The following SLC25A3 variants were observed in gnomAD, a reference collection of about 807,000 sequenced individuals.
The protein encoded by SLC25A3 is solute carrier family 25 member 3.
Under a neutral mutation model 37.1 loss-of-function variants are expected in SLC25A3, and 14 were observed. The ratio of observed to expected loss-of-function variants is 0.38; its 90% CI spans 0.25 to 0.59. The LOEUF (loss-of-function observed/expected upper bound fraction) is 0.59, where lower values mean the gene tolerates loss of function less well. SLC25A3 is among the 20% of genes least tolerant of loss of function. SLC25A3 has a pLI of 0.67. For missense variants in SLC25A3, 385 were observed against 458.1 expected, an observed-to-expected ratio of 0.84 and a Z score of 1.46; for synonymous variants, 161 against 168.7, an observed-to-expected ratio of 0.95 and a Z score of 0.36.
chr12:98,595,707 T>A lies in SLC25A3; in HGVS notation c.158-20T>A. The stretch of plus-strand genomic sequence containing the variant: ...ATGAGTTTTATATTAAAATGCATGG[T>A]GTGTCTTCTCTTACTACAGAGTACA... On this transcript the variant is annotated intron_variant, in intron 2 of 7. Transcript: ENST00000552981. The A allele has an allele frequency of 1.2e-6, 2 of 1,614,150 alleles. No homozygotes were observed. The highest frequency in any genetic ancestry group is 1.7e-6 in the Non-Finnish European group (2 of 1,180,026).
chr12:98,595,929 C>T (rs970528543), intron 3 of SLC25A3, 81 bp downstream of exon 3: 105 of 1,305,816 alleles, frequency 8.0e-5, no homozygotes, highest in Non-Finnish European at 1.2e-4. Flanking sequence ...AATTTGAAGA[C>T]ATCACAACTG....
rs2097601062 is a variant in SLC25A3 at position 98,606,091 on chromosome 12, G to GA, written c.*4564dup. On this transcript the variant is annotated 3_prime_UTR_variant, in exon 8 of 8. Coordinates refer to ENST00000552981, the MANE Select transcript of SLC25A3 (RefSeq NM_002635.4). Reference sequence around the variant, plus strand: ...CACACCCCTGCACTCCGGCCTGGGCGACAGAGTGATAACCTGTCTAAAAAA... The same window carrying GA: ...CACACCCCTGCACTCCGGCCTGGGCGAACAGAGTGATAACCTGTCTAAAAAA... The GA allele has an allele frequency of 6.6e-6, 1 of 152,146 alleles. No individual in the cohort carries two copies. The highest frequency in any genetic ancestry group is 1.5e-5 in the Non-Finnish European group (1 of 68,034). The allele number at this position is 152,146 out of a possible 1,614,324, so 9.4% of individuals were successfully genotyped here.
intron 3 of SLC25A3, among the ~76,000 whole-genome samples, chr12:98,596,327 T>G (rs1048516101): frequency 7.2e-5 from 11 of 152,210 alleles, no homozygotes; most frequent in African/African-American, 2.4e-4. Flanking sequence ...TTAAAATAAT[T>G]TGAATATATT....
At chr12:98,600,495 C>T (rs994306327) in intron 6 of SLC25A3, among the ~76,000 whole-genome samples, 1 of 152,176 alleles carries the variant, frequency 6.6e-6, no homozygotes, top group Non-Finnish European at 1.5e-5. Context: ...TCACTGCAGC[C>T]TCCGCCTCCT....
At position 98,601,874 on chromosome 12, in the gene SLC25A3, A is replaced by G. The variant is rs2097598202; in HGVS notation, c.*346A>G. The G allele has an allele frequency of 8.1e-6, 2 of 248,154 alleles. No individual in the cohort carries two copies. Among genetic ancestry groups the G allele is most frequent in the Non-Finnish European group, 1.6e-5 (2 of 126,054 alleles). The allele number at this position is 248,154 out of a possible 1,614,324, so 15.4% of individuals were successfully genotyped here. On this transcript the variant is annotated 3_prime_UTR_variant, in exon 8 of 8. Transcript: ENST00000552981. The stretch of plus-strand genomic sequence containing the variant: ...GAAATTGTCATATGTCTCAAGTTTT[A>G]TCACACAAAGTTCCTGTATTTCTAG...
Position 98,603,769 on chromosome 12 carries a change from G to A in SLC25A3, c.*2241G>A, listed in dbSNP as rs1234019296. On this transcript the variant is annotated 3_prime_UTR_variant, in exon 8 of 8. Coordinates refer to ENST00000552981, the MANE Select transcript of SLC25A3 (RefSeq NM_002635.4). ...AGTTACGGTTCAAAGCTATTTCTGA[G>A]AGAAAGCCACTTCATCCTCAAAACC... The A allele has an allele frequency of 6.6e-6, 1 of 152,154 alleles. No individual in the cohort carries two copies. Among genetic ancestry groups the A allele is most frequent in the African/African-American group, 2.4e-5 (1 of 41,430 alleles). 9.4% of individuals were successfully genotyped at this position (152,154 alleles called of 1,614,324 possible).
At position 98,606,048 on chromosome 12, in the gene SLC25A3, G is replaced by T. The variant is rs1289469683; in HGVS notation, c.*4520G>T. On this transcript the variant is annotated 3_prime_UTR_variant, in exon 8 of 8. Coordinates refer to ENST00000552981, the MANE Select transcript of SLC25A3 (RefSeq NM_002635.4). The stretch of plus-strand genomic sequence containing the variant: ...GATCGTCTGAGCCCAGGAGTTTGAG[G>T]CTGCAATGAGCTACAATCACACCCC... The T allele has an allele frequency of 6.6e-6, 1 of 152,002 alleles. No individual in the cohort carries two copies. The highest frequency in any genetic ancestry group is 6.6e-5 in the Admixed American group (1 of 15,248). 9.4% of individuals were successfully genotyped at this position (152,002 alleles called of 1,614,324 possible).
Position 98,606,240 on chromosome 12 carries a change from C to CTACAAAGTT in SLC25A3, c.*4712_*4713insTACAAAGTT, listed in dbSNP as rs2097601142. On this transcript the variant is annotated 3_prime_UTR_variant, in exon 8 of 8. Transcript: ENST00000552981. ...GAGAAACAAAGTTATTTTAAACTTA[C>CTACAAAGTT]AGGACTCTGTAGTTCACAGTTGAAC... The CTACAAAGTT allele has an allele frequency of 7.2e-5, 11 of 152,330 alleles. No individual in the cohort carries two copies. The highest frequency in any genetic ancestry group is 2.6e-4 in the African/African-American group (11 of 41,580). 9.4% of individuals were successfully genotyped at this position (152,330 alleles called of 1,614,324 possible). A position where few individuals can be genotyped will look rare whatever the true frequency, so the allele number is the denominator to read the frequency against.
Position 98,602,075 on chromosome 12 carries a change from A to T in SLC25A3, c.*547A>T, listed in dbSNP as rs549157538. On this transcript the variant is annotated 3_prime_UTR_variant, in exon 8 of 8. Coordinates refer to ENST00000552981, the MANE Select transcript of SLC25A3 (RefSeq NM_002635.4). Reference sequence around the variant, plus strand: ...CTTATTTGTAAGACAAGGTAAACCAAATTAGGCTGATTCTTAGAATGACAG... The same window carrying T: ...CTTATTTGTAAGACAAGGTAAACCATATTAGGCTGATTCTTAGAATGACAG... The T allele has an allele frequency of 6.2e-6, 1 of 160,430 alleles. No individual in the cohort carries two copies. The highest frequency in any genetic ancestry group is 2.4e-5 in the African/African-American group (1 of 41,608). The allele number at this position is 160,430 out of a possible 1,614,324, so 9.9% of individuals were successfully genotyped here. A position where few individuals can be genotyped will look rare whatever the true frequency, so the allele number is the denominator to read the frequency against.
intron 2 of SLC25A3, chr12:98,594,775 G>T (rs1168434389): frequency 4.2e-6 from 1 of 238,078 alleles, no homozygotes; most frequent in African/African-American, 2.3e-5. Flanking sequence ...TCCTAGTGAA[G>T]TATGTACATA....
chr12:98,603,816 T>C lies in SLC25A3; in HGVS notation c.*2288T>C, dbSNP rs2097599608. ...AACCCAAGAGGCCCACTTAAAGTGATGCGAATTCTCATTTCAGGTTTTTAA... is the reference window on the plus strand; with the variant it reads ...AACCCAAGAGGCCCACTTAAAGTGACGCGAATTCTCATTTCAGGTTTTTAA... On this transcript the variant is annotated 3_prime_UTR_variant, in exon 8 of 8. Coordinates refer to ENST00000552981, the MANE Select transcript of SLC25A3 (RefSeq NM_002635.4). 6.6e-6 allele frequency: 1 copy of C among 152,196 alleles called. No individual in the cohort carries two copies. Among genetic ancestry groups the C allele is most frequent in the African/African-American group, 2.4e-5 (1 of 41,446 alleles). The allele number at this position is 152,196 out of a possible 1,614,324, so 9.4% of individuals were successfully genotyped here. A position where few individuals can be genotyped will look rare whatever the true frequency, so the allele number is the denominator to read the frequency against.
intron 5 of SLC25A3, among the ~76,000 whole-genome samples, chr12:98,598,916 C>T (rs1371151148): frequency 1.3e-5 from 2 of 151,834 alleles, no homozygotes; most frequent in Non-Finnish European, 2.9e-5. Flanking sequence ...GCTGGGACTA[C>T]AGGCGCCTGC....
intron 2 of SLC25A3, chr12:98,594,958 T>C (rs1367247890): frequency 5.2e-6 from 1 of 190,828 alleles, no homozygotes; most frequent in Non-Finnish European, 1.1e-5. Flanking sequence ...AAGCTAACAT[T>C]ATTTGTGTAT....
At chr12:98,599,380 T>C (rs2097595788) in intron 5 of SLC25A3, among the ~76,000 whole-genome samples, 2 of 152,234 alleles carry the variant, frequency 1.3e-5, no homozygotes, top group African/African-American at 4.8e-5. Context: ...GTATTAAGCC[T>C]ACCAGACTTT....
intron 6 of SLC25A3, among the ~76,000 whole-genome samples, chr12:98,600,401 A>G (rs1565831854): frequency 6.7e-6 from 1 of 150,328 alleles, no homozygotes; most frequent in African/African-American, 2.5e-5. Context: ...TGCCCGGCTG[A>G]TTTTTGTTTT....
At chr12:98,600,984 A>G in intron 6 of SLC25A3, 187 bp from the exon 7 acceptor site, 1 of 594,308 alleles carries the variant, frequency 1.7e-6, no homozygotes, top group Non-Finnish European at 2.8e-6. Flanking sequence ...ATAAAATCTG[A>G]AAAACTTTAA....
intron 2 of SLC25A3, chr12:98,594,504 C>T: frequency 1.7e-6 from 1 of 605,108 alleles, no homozygotes; most frequent in East Asian, 2.8e-5. Flanking sequence ...ACTATATTAC[C>T]TGTCCTTTGA....
At position 98,605,820 on chromosome 12, in the gene SLC25A3, G is replaced by A. The variant is rs994977494; in HGVS notation, c.*4292G>A. 6.6e-6 allele frequency: 1 copy of A among 150,394 alleles called. No individual in the cohort carries two copies. Among genetic ancestry groups the A allele is most frequent in the Non-Finnish European group, 1.5e-5 (1 of 67,792 alleles). The allele number at this position is 150,394 out of a possible 1,614,324, so 9.3% of individuals were successfully genotyped here. A position where few individuals can be genotyped will look rare whatever the true frequency, so the allele number is the denominator to read the frequency against. On this transcript the variant is annotated 3_prime_UTR_variant, in exon 8 of 8. Transcript: ENST00000552981. ...GGGCGACAGAGCCAGACTGTCTGAG[G>A]AAGAAATTGTATATCAGGCTGGGCA... is the stretch of plus-strand genomic sequence containing the variant.
chr12:98,601,243 G>A lies in SLC25A3; in HGVS notation c.887G>A (p.Ser296Asn), dbSNP rs2153288010. 1.2e-6 allele frequency: 2 copies of A among 1,614,112 alleles called. No homozygotes were observed. Among genetic ancestry groups the A allele is most frequent in the Non-Finnish European group, 1.7e-6 (2 of 1,179,986 alleles). ...VVSVLNKEKG[S>N]SASLVLKRLG... ...TCTGTGTTGAATAAAGAAAAAGGTA[G>A]CAGTGCTTCTCTGGTCCTCAAGAGA... The change falls in exon 7 of 8, where the codon AGC becomes AAC. Residue 296 changes from serine to asparagine, a missense_variant. Coordinates refer to ENST00000552981, the MANE Select transcript of SLC25A3 (RefSeq NM_002635.4).
Sources: allele counts gnomAD v4.1 joint callset (sites outside exome capture counted in the v4.1 genomes callset), GRCh38; gene constraint gnomAD v4.1.1; transcripts MANE v1.5; gene names NCBI Gene and HGNC (gene_info 2026-07-23, HGNC 2026-07-21).